Variants in ZBTB16 observed in about 807,000 individuals in gnomAD.
The protein encoded by ZBTB16 is zinc finger and BTB domain containing 16, also known as zinc finger and BTB domain-containing protein 16.
Under a neutral mutation model 56.8 loss-of-function variants are expected in ZBTB16, and 8 were observed. That is an observed-to-expected ratio of 0.14 (90% CI 0.08 to 0.25). The LOEUF is 0.25. Among genes scored for constraint, ZBTB16 ranks in the 10% least tolerant of loss-of-function variants. ZBTB16 has a pLI of 1.00. For synonymous variants in ZBTB16, 363 were observed against 368.5 expected, an observed-to-expected ratio of 0.98 and a Z score of 0.17; for missense variants, 625 against 903.0, an observed-to-expected ratio of 0.69 and a Z score of 3.95.
chr11:114,254,758 G>A lies in ZBTB16; in HGVS notation c.*4203G>A, dbSNP rs1366294274. On this transcript the variant is annotated 3_prime_UTR_variant, in exon 7 of 7. Coordinates refer to ENST00000335953, the MANE Select transcript of ZBTB16 (RefSeq NM_006006.6). ...AGCCTCTGCCGGCTTGGCTGTAATG[G>A]TGGCACTTACCTGGATATTTCAGTG... Among the ~76,000 whole-genome samples the A allele has an allele frequency of 6.6e-6, 1 of 152,160 alleles. No individual in the cohort carries two copies. Among genetic ancestry groups the A allele is most frequent in the African/African-American group, 2.4e-5 (1 of 41,416 alleles).
chr11:114,229,982 A>G (rs531825519), intron 4 of ZBTB16, among the ~76,000 whole-genome samples: 2 of 152,244 alleles, frequency 1.3e-5, no homozygotes, highest in East Asian at 3.9e-4. Context: ...TGAAATCAGA[A>G]TCACCTGATT....
rs1018797215 is a variant in ZBTB16, at chr11:114,143,240, C to T, written c.1269-13097C>T. ...TACCCACTGTACAGCCAAGATGCAT[C>T]CACCCCTCATCCATCCACTAATGCT... is the stretch of plus-strand genomic sequence containing the variant. On this transcript the variant is annotated intron_variant, in intron 2 of 6. Transcript: ENST00000335953. The surrounding 1 kb of genome is among the most constrained non-coding windows in gnomAD (Gnocchi z 6.4). Among the ~76,000 whole-genome samples the T allele has an allele frequency of 7.9e-5, 12 of 152,154 alleles. No individual in the cohort carries two copies. The highest frequency in any genetic ancestry group is 1.8e-4 in the Non-Finnish European group (12 of 68,036).
chr11:114,068,764 G>T (rs1449431526), intron 2 of ZBTB16, among the ~76,000 whole-genome samples: 1 of 152,204 alleles, frequency 6.6e-6, no homozygotes, highest in African/African-American at 2.4e-5. Flanking sequence ...ATTCCAAAAG[G>T]CTGGAGCAGT....
intron 2 of ZBTB16, among the ~76,000 whole-genome samples, chr11:114,127,764 C>T (rs2137818751): frequency 6.6e-6 from 1 of 152,306 alleles, no homozygotes; most frequent in South Asian, 2.1e-4. Flanking sequence ...CTTCCATCCA[C>T]TGTTAGCACA....
chr11:114,205,134 G>A (rs1360583145), intron 4 of ZBTB16, among the ~76,000 whole-genome samples: 9 of 152,146 alleles, frequency 5.9e-5, no homozygotes, highest in Non-Finnish European at 1.3e-4. Flanking sequence ...TTTCGGCCGG[G>A]CGCGGTGGCT....
intron 2 of ZBTB16, among the ~76,000 whole-genome samples, chr11:114,088,349 C>T (rs1214091930): frequency 6.6e-6 from 1 of 152,032 alleles, no homozygotes; most frequent in Admixed American, 6.6e-5. Flanking sequence ...GCCATGCTGG[C>T]CAGGCTGGTC....
At chr11:114,129,193 A>C (rs1335089700) in intron 2 of ZBTB16, among the ~76,000 whole-genome samples, 1 of 152,222 alleles carries the variant, frequency 6.6e-6, no homozygotes, top group Non-Finnish European at 1.5e-5. Flanking sequence ...TATTTCCATA[A>C]GCATTTTTCT....
chr11:114,205,638 G>A (rs546009134), intron 4 of ZBTB16, among the ~76,000 whole-genome samples: 1 of 152,278 alleles, frequency 6.6e-6, no homozygotes, highest in East Asian at 1.9e-4. Context: ...TTCTATTACT[G>A]TTTCACAGGA....
chr11:114,207,196 C>T (rs1943896854), intron 4 of ZBTB16, among the ~76,000 whole-genome samples: 1 of 152,128 alleles, frequency 6.6e-6, no homozygotes, highest in South Asian at 2.1e-4. Context: ...TTCAAAGCAT[C>T]ATCATTGTCT....
intron 1 of ZBTB16, among the ~76,000 whole-genome samples, chr11:114,061,021 C>T (rs1389550248): frequency 2.0e-5 from 3 of 152,202 alleles, no homozygotes; most frequent in Non-Finnish European, 4.4e-5. Flanking sequence ...CGTTCCTCCC[C>T]GTCTCTTTCG....
intron 2 of ZBTB16, among the ~76,000 whole-genome samples, chr11:114,092,685 G>A (rs898005134): frequency 2.6e-5 from 4 of 152,094 alleles, no homozygotes; most frequent in African/African-American, 7.2e-5. Context: ...AAAATGGGCT[G>A]GGAGGTGCTA....
intron 4 of ZBTB16, among the ~76,000 whole-genome samples, chr11:114,198,855 A>G (rs1043192169): frequency 6.6e-6 from 1 of 152,204 alleles, no homozygotes; most frequent in Admixed American, 6.5e-5. Flanking sequence ...CCATTTTTGT[A>G]TCATACAGAA....
chr11:114,141,855 A>G (rs1941954154), intron 2 of ZBTB16, among the ~76,000 whole-genome samples: 1 of 152,242 alleles, frequency 6.6e-6, no homozygotes, highest in African/African-American at 2.4e-5. Flanking sequence ...GGATCGAATG[A>G]GATAAGGCAT....
chr11:114,121,063 C>G (rs768286804), intron 2 of ZBTB16, among the ~76,000 whole-genome samples: 2 of 152,202 alleles, frequency 1.3e-5, no homozygotes, highest in Non-Finnish European at 2.9e-5. Context: ...CTGCCTGACC[C>G]ACGTTTAGAG....
chr11:114,061,590 G>A (rs1307736067), intron 1 of ZBTB16: 2 of 152,308 alleles, frequency 1.3e-5, no homozygotes, highest in African/African-American at 4.8e-5. Flanking sequence ...AAGAGTGAGG[G>A]AGAGACCTTG....
rs376776756 is a variant in ZBTB16 at position 114,191,022 on chromosome 11, A to G, written c.1453+3984A>G. Among the ~76,000 whole-genome samples, 8 of 152,204 alleles carry G rather than the reference A, an allele frequency of 5.3e-5. No individual in the cohort carries two copies. In the East Asian group the frequency reaches 9.7e-4, roughly 18 times the overall value. ...CGTGGCCAGAGCAGGAGCTAGAGAG[A>G]GAGAGTTGGGTGAGGGAGAAGCAGC... On this transcript the variant is annotated intron_variant, in intron 4 of 6. Coordinates refer to ENST00000335953, the MANE Select transcript of ZBTB16 (RefSeq NM_006006.6).
intron 2 of ZBTB16, among the ~76,000 whole-genome samples, chr11:114,070,884 C>T (rs1207647268): frequency 6.6e-6 from 1 of 152,132 alleles, no homozygotes; most frequent in Non-Finnish European, 1.5e-5. Flanking sequence ...TTTATAATCT[C>T]CTGGGCTCCT....
intron 2 of ZBTB16, among the ~76,000 whole-genome samples, chr11:114,099,660 T>C (rs764644498): frequency 6.6e-6 from 1 of 152,108 alleles, no homozygotes; most frequent in African/African-American, 2.4e-5. Flanking sequence ...GTGTGTGCAT[T>C]GGAGGGTGAG....
chr11:114,146,061 G>C (rs1206738635), intron 2 of ZBTB16, among the ~76,000 whole-genome samples: 2 of 152,196 alleles, frequency 1.3e-5, no homozygotes, highest in African/African-American at 2.4e-5. Flanking sequence ...GGAGCAGCCT[G>C]ACTTTACTGG....
Sources: allele counts gnomAD v4.1 joint callset (sites outside exome capture counted in the v4.1 genomes callset), GRCh38; gene constraint gnomAD v4.1.1; non-coding constraint Gnocchi (gnomAD v3.1); transcripts MANE v1.5; gene names NCBI Gene and HGNC (gene_info 2026-07-23, HGNC 2026-07-21).